Variants in SULF1 observed in about 807,000 individuals in gnomAD.
The protein encoded by SULF1 is sulfatase 1.
Under a neutral mutation model 110.5 loss-of-function variants are expected in SULF1, and 46 were observed. That is an observed-to-expected ratio of 0.42 (90% CI 0.33 to 0.53). SULF1 has a LOEUF of 0.53. Among genes scored for constraint, SULF1 ranks in the 20% least tolerant of loss-of-function variants. The pLI is 0.12. For missense variants in SULF1, 941 were observed against 1,094.2 expected, an observed-to-expected ratio of 0.86 and a Z score of 1.98; for synonymous variants, 371 against 387.1, an observed-to-expected ratio of 0.96 and a Z score of 0.49.
chr8:69,571,675 CG>C (rs1336939960), intron 5 of SULF1, among the ~76,000 whole-genome samples: 9 of 152,224 alleles, frequency 5.9e-5, no homozygotes, highest in Non-Finnish European at 1.3e-4. Flanking sequence ...TTCCACTTAT[CG>C]GACAGACATT....
At position 69,474,443 on chromosome 8, in the gene SULF1, C is replaced by T. The variant is rs375578590; in HGVS notation, c.-391+7493C>T. On this transcript the variant is annotated intron_variant, in intron 1 of 22. Coordinates refer to the SULF1 transcript ENST00000260128. ...TCAATCTTCTCCTGAATAGAATGTC[C>T]CTGTAAACAGATGTGCTTTACCGTG... Among the ~76,000 whole-genome samples, 8 of 152,248 alleles carry T rather than the reference C, an allele frequency of 5.3e-5. No homozygotes were observed. The South Asian group carries it at 1.5e-3, about 28-fold the overall frequency.
intron 3 of SULF1, among the ~76,000 whole-genome samples, chr8:69,535,117 G>A (rs1006266510): frequency 6.6e-6 from 1 of 152,228 alleles, no homozygotes; most frequent in Non-Finnish European, 1.5e-5. Flanking sequence ...AGTTGGGGCT[G>A]TACTGGAGCT....
At chr8:69,601,474 A>T (rs1807798438) in intron 9 of SULF1, among the ~76,000 whole-genome samples, 180 bp from the exon 10 acceptor site, 1 of 152,234 alleles carries the variant, frequency 6.6e-6, no homozygotes, top group Non-Finnish European at 1.5e-5. Flanking sequence ...TTTCACCTTT[A>T]CCATTGGACC....
chr8:69,603,779 A>G, intron 12 of SULF1, 123 bp downstream of exon 12: 1 of 715,556 alleles, frequency 1.4e-6, no homozygotes, highest in South Asian at 1.6e-5. Flanking sequence ...CCTAGTCACA[A>G]GATTGAATGG....
chr8:69,504,273 C>T (rs908522124), intron 3 of SULF1, among the ~76,000 whole-genome samples: 3 of 152,034 alleles, frequency 2.0e-5, no homozygotes, highest in East Asian at 1.9e-4. Context: ...CAGTGGCTCA[C>T]GCCTATAGTC....
chr8:69,606,897 C>G (rs574130886), intron 13 of SULF1, among the ~76,000 whole-genome samples: 10 of 152,260 alleles, frequency 6.6e-5, no homozygotes, highest in Admixed American at 6.5e-4. Context: ...TTTAGAAAGG[C>G]CTGAATTCGT....
In SULF1 at chr8:69,640,692, T is replaced by A. The variant is rs912961630; in HGVS notation, c.2552-116T>A. ...CTGTTGGGCTTCAGCACTGTCTGTA[T>A]TTAACACCATGTGTTTCTTTCTAGG... On this transcript the variant is annotated intron_variant, in intron 21 of 22. Transcript: ENST00000402687. 8.4e-6 allele frequency: 7 copies of A among 829,544 alleles called. No individual in the cohort carries two copies. In the African/African-American group the frequency reaches 1.2e-4, roughly 14 times the overall value. The allele number at this position is 829,544 out of a possible 1,614,324, so 51.4% of individuals were successfully genotyped here.
chr8:69,478,078 C>T (rs925520886), intron 1 of SULF1, among the ~76,000 whole-genome samples: 19 of 152,030 alleles, frequency 1.2e-4, no homozygotes, highest in Admixed American at 3.3e-4. Context: ...GGTCTCAAAC[C>T]GCTGGGCTAA....
Position 69,623,957 on chromosome 8 carries a change from T to C in SULF1, c.1610T>C (p.Phe537Ser), listed in dbSNP as rs775544465. 9 of 1,613,736 alleles carry C rather than the reference T, an allele frequency of 5.6e-6. No homozygotes were observed. The highest frequency in any genetic ancestry group is 6.8e-6 in the Non-Finnish European group (8 of 1,179,834). The stretch of plus-strand genomic sequence containing the variant: ...TTACTTCTAGAGTACAAGCCCAGAT[T>C]TGTCCATACTCGGCAGACACGTTCC... ...NQGTPKYKPRFVHTRQTRSLS... is the reference protein window; with the variant it reads ...NQGTPKYKPRSVHTRQTRSLS... Residue 537 changes from phenylalanine (F) to serine (S), a missense_variant, in exon 15 of 23, where the codon TTT (phenylalanine) becomes TCT (serine). By Grantham distance (155) the Phe-to-Ser change is radical (BLOSUM62 -2). This residue lies in a region of SULF1 where 822 missense variants were observed against 934.3 expected (regional missense o/e 0.88). Transcript: ENST00000402687.
chr8:69,582,470 C>T lies in SULF1; in HGVS notation c.413-3887C>T, dbSNP rs188031218. Among the ~76,000 whole-genome samples the T allele has an allele frequency of 3.9e-5, 6 of 152,220 alleles. No individual in the cohort carries two copies. In the East Asian group the frequency reaches 9.7e-4, roughly 25 times the overall value. ...GTTTTGTGCCAGGCACTGTTTTCAG[C>T]GCTTTACATATGTGTTGATGCATTT... On this transcript the variant is annotated intron_variant, in intron 6 of 22. Coordinates refer to ENST00000402687, the MANE Select transcript of SULF1 (RefSeq NM_001128205.2).
At chr8:69,655,880 T>C (rs1170378837) in intron 22 of SULF1, among the ~76,000 whole-genome samples, 1 of 152,226 alleles carries the variant, frequency 6.6e-6, no homozygotes, top group Admixed American at 6.5e-5. Context: ...AAAATGCATA[T>C]ATTATTTTTT....
At chr8:69,653,545 T>G (rs1204071528) in intron 22 of SULF1, among the ~76,000 whole-genome samples, 1 of 152,262 alleles carries the variant, frequency 6.6e-6, no homozygotes, top group African/African-American at 2.4e-5. Context: ...TCACGGCATG[T>G]GGTTGCATTC....
intron 3 of SULF1, among the ~76,000 whole-genome samples, chr8:69,542,090 G>C (rs942114132): frequency 6.6e-5 from 10 of 152,104 alleles, no homozygotes; most frequent in African/African-American, 2.4e-4. Context: ...TGGAGGATAG[G>C]CATGTCCCCT....
At chr8:69,525,640 C>T (rs1005589630) in intron 3 of SULF1, among the ~76,000 whole-genome samples, 2 of 152,208 alleles carry the variant, frequency 1.3e-5, no homozygotes, top group Admixed American at 1.3e-4. Context: ...AGGCACCTAA[C>T]TCTATGCAGA....
At chr8:69,557,680 C>T (rs974064270) in intron 3 of SULF1, among the ~76,000 whole-genome samples, 4 of 152,056 alleles carry the variant, frequency 2.6e-5, no homozygotes, top group African/African-American at 4.8e-5. Context: ...ATGAATTAAG[C>T]CAAAAAATAA....
intron 3 of SULF1, among the ~76,000 whole-genome samples, chr8:69,553,193 G>A (rs1158071482): frequency 6.6e-6 from 1 of 152,216 alleles, no homozygotes; most frequent in African/African-American, 2.4e-5. Flanking sequence ...GCAGAAAGCA[G>A]ATGGCCTGCA....
intron 3 of SULF1, among the ~76,000 whole-genome samples, chr8:69,561,350 A>G (rs1366364337): frequency 6.6e-6 from 1 of 152,240 alleles, no homozygotes; most frequent in Non-Finnish European, 1.5e-5. Context: ...TTCACCAGAA[A>G]GGAAGTTCAT....
At chr8:69,510,945 T>TACACACACACACACACACAC (rs56386460) in intron 3 of SULF1, among the ~76,000 whole-genome samples, 1 of 141,144 alleles carries the variant, frequency 7.1e-6, no homozygotes, top group Non-Finnish European at 1.5e-5. Context: ...ATATCATCAT[T>TACACACACACACACACACAC]ACACACACAC....
At chr8:69,517,106 G>A (rs1811978230) in intron 3 of SULF1, among the ~76,000 whole-genome samples, 2 of 152,192 alleles carry the variant, frequency 1.3e-5, no homozygotes, top group South Asian at 2.1e-4. Context: ...CAAGAGCATG[G>A]TGCCAGCATC....
Sources: allele counts gnomAD v4.1 joint callset (sites outside exome capture counted in the v4.1 genomes callset), GRCh38; gene constraint gnomAD v4.1.1; regional missense constraint gnomAD v4.1.1; transcripts MANE v1.5; gene names NCBI Gene and HGNC (gene_info 2026-07-23, HGNC 2026-07-21).